CDH4: variants seen among roughly 807,000 people sequenced by gnomAD.
The protein encoded by CDH4 is cadherin 4, also known as cadherin-4.
A neutral mutation model predicts 86.0 loss-of-function variants in CDH4; 33 were observed. That is an observed-to-expected ratio of 0.38 (90% confidence interval 0.29 to 0.51). CDH4 has a LOEUF of 0.51. Ranked by LOEUF, CDH4 falls within the 20% of genes least tolerant of loss-of-function variation. The probability of loss-of-function intolerance (pLI) is 0.86; values close to 1 mark genes in which losing one functional copy is unlikely to be tolerated. For missense variants in CDH4, 1,114 were observed against 1,307.4 expected (o/e 0.85, Z 2.28); for synonymous variants, 555 against 549.4 (o/e 1.01, Z -0.14).
chr20:61,271,285 G>A (rs952244236), intron 2 of CDH4, among the ~76,000 whole-genome samples: 2 of 152,218 alleles, frequency 1.3e-5, no homozygotes, highest in African/African-American at 2.4e-5. Context: ...GTTCTGCGAC[G>A]AGAGCAAATG....
intron 2 of CDH4, among the ~76,000 whole-genome samples, chr20:61,507,710 A>G (rs1336917168): frequency 6.6e-6 from 1 of 152,220 alleles, no homozygotes; most frequent in Non-Finnish European, 1.5e-5. Flanking sequence ...TGATGACTCC[A>G]TGTCATGTGG....
At chr20:61,374,334 G>A (rs535348867) in intron 2 of CDH4, among the ~76,000 whole-genome samples, 2 of 152,298 alleles carry the variant, frequency 1.3e-5, no homozygotes, top group East Asian at 1.9e-4. Flanking sequence ...GAGGAAAGGT[G>A]CAGTTTGAGG....
At chr20:61,691,804 G>A (rs76791482) in intron 2 of CDH4, among the ~76,000 whole-genome samples, 2,651 of 152,314 alleles carry the variant, frequency 0.017, 83 homozygotes, top group African/African-American at 0.057. Flanking sequence ...GCCCACCACC[G>A]TGTCTATGGT....
At chr20:61,838,801 G>A (rs1981994377) in intron 4 of CDH4, among the ~76,000 whole-genome samples, 1 of 146,204 alleles carries the variant, frequency 6.8e-6, no homozygotes. Flanking sequence ...TCCAGCCTGG[G>A]TGACAGAGCA....
Position 61,829,957 on chromosome 20 carries a change from G to A in CDH4, c.577-14711G>A, listed in dbSNP as rs1981516253. ...GCAGGTGTGGGAAGTGCAGGTGGGTGGTTTGGTGTGTTTGGCAAGCCGACC... is the reference window on the plus strand; with the variant it reads ...GCAGGTGTGGGAAGTGCAGGTGGGTAGTTTGGTGTGTTTGGCAAGCCGACC... On this transcript the variant is annotated intron_variant, in intron 4 of 15. Transcript: ENST00000614565. The surrounding 1 kb of genome is among the most constrained non-coding windows in gnomAD (Gnocchi z 4.2). 6.6e-6 allele frequency among the ~76,000 whole-genome samples: 1 copy of A among 152,056 alleles called. No homozygotes were observed. The highest frequency in any genetic ancestry group is 1.5e-5 in the Non-Finnish European group (1 of 68,000).
chr20:61,385,078 C>T (rs1363029717), intron 2 of CDH4, among the ~76,000 whole-genome samples: 1 of 152,158 alleles, frequency 6.6e-6, no homozygotes, highest in Non-Finnish European at 1.5e-5. Context: ...CAGTTTGGAA[C>T]TGCTTTAAAC....
At chr20:61,477,326 G>A (rs559897685) in intron 2 of CDH4, among the ~76,000 whole-genome samples, 1 of 134,452 alleles carries the variant, frequency 7.4e-6, no homozygotes, top group East Asian at 2.2e-4. Context: ...CATGGTCCGG[G>A]CCCCATGGGG....
chr20:61,867,952 A>G (rs1377761340), intron 6 of CDH4, among the ~76,000 whole-genome samples: 1 of 152,188 alleles, frequency 6.6e-6, no homozygotes, highest in Non-Finnish European at 1.5e-5. Flanking sequence ...AAGACATTCT[A>G]TTTCTGCAAA....
chr20:61,507,573 G>A (rs922032490), intron 2 of CDH4, among the ~76,000 whole-genome samples: 7 of 151,970 alleles, frequency 4.6e-5, no homozygotes, highest in East Asian at 1.9e-4. Context: ...AAAAACAGAC[G>A]ATTTTTCTAG....
At chr20:61,885,308 C>A (rs1220123333) in intron 7 of CDH4, among the ~76,000 whole-genome samples, 1 of 151,830 alleles carries the variant, frequency 6.6e-6, no homozygotes, top group African/African-American at 2.4e-5. Flanking sequence ...ACTCCCTTAC[C>A]CCCAGCTCCC....
At chr20:61,286,614 C>T (rs969757623) in intron 2 of CDH4, among the ~76,000 whole-genome samples, 1 of 152,172 alleles carries the variant, frequency 6.6e-6, no homozygotes. Flanking sequence ...CATATGACAG[C>T]GTAAAAGCTT....
chr20:61,528,865 T>G (rs1049504502), intron 2 of CDH4, among the ~76,000 whole-genome samples: 5 of 148,946 alleles, frequency 3.4e-5, no homozygotes, highest in African/African-American at 5.0e-5. Context: ...TTTTTTTTTT[T>G]GTAACCAGTG....
intron 2 of CDH4, among the ~76,000 whole-genome samples, chr20:61,343,481 G>T (rs1398485259): frequency 1.3e-5 from 2 of 152,204 alleles, no homozygotes; most frequent in African/African-American, 2.4e-5. Context: ...TTGGAGCCCA[G>T]GCGGCTCTCA....
intron 2 of CDH4, chr20:61,570,746 A>C (rs1439202273): frequency 1.4e-6 from 1 of 702,388 alleles, no homozygotes; most frequent in East Asian, 2.7e-5. Context: ...TGCAGGAGGT[A>C]AGATCCTTGA....
chr20:61,310,253 G>A (rs1051032852), intron 2 of CDH4, among the ~76,000 whole-genome samples: 1 of 152,088 alleles, frequency 6.6e-6, no homozygotes, highest in East Asian at 1.9e-4. Context: ...AAGCCAGGAC[G>A]GGAGGGCAAG....
At chr20:61,706,137 G>A (rs983484259) in intron 2 of CDH4, among the ~76,000 whole-genome samples, 1 of 152,176 alleles carries the variant, frequency 6.6e-6, no homozygotes, top group South Asian at 2.1e-4. Flanking sequence ...CCGGCCCGAC[G>A]CCTGCCCGGC....
chr20:61,795,435 A>G (rs1289216528), intron 4 of CDH4, among the ~76,000 whole-genome samples: 1 of 152,058 alleles, frequency 6.6e-6, no homozygotes, highest in Non-Finnish European at 1.5e-5. Context: ...CAGGAAGGTG[A>G]GAGGAATGAC....
At chr20:61,915,504 A>AC (rs2054894844) in intron 9 of CDH4, among the ~76,000 whole-genome samples, 1 of 152,126 alleles carries the variant, frequency 6.6e-6, no homozygotes, top group African/African-American at 2.4e-5. Context: ...GGGCCCTGAG[A>AC]CCCCATGATG....
At chr20:61,454,504 G>A (rs1018504367) in intron 2 of CDH4, among the ~76,000 whole-genome samples, 1 of 152,150 alleles carries the variant, frequency 6.6e-6, no homozygotes, top group Admixed American at 6.5e-5. Context: ...GGAGTGCAGT[G>A]GCGCGATCTC....
Sources: gnomAD v4.1 joint callset for allele counts (sites outside exome capture counted in the v4.1 genomes callset) on GRCh38, gnomAD v4.1.1 for gene constraint, Gnocchi (gnomAD v3.1) non-coding constraint, MANE v1.5 for transcripts, NCBI Gene and HGNC (gene_info 2026-07-23, HGNC 2026-07-21) for gene names.